Variants in SWAP70 observed in about 807,000 individuals in gnomAD.
SWAP70 encodes switch-associated protein 70.
In SWAP70, 34 loss-of-function variants were observed where a neutral mutation model predicts 80.2. The observed-to-expected ratio is 0.42, with a 90% CI of 0.32 to 0.56. The LOEUF is 0.56. SWAP70 is among the 20% of genes least tolerant of loss of function. SWAP70 has a pLI of 0.09. For synonymous variants in SWAP70, 239 were observed against 238.5 expected, an observed-to-expected ratio of 1.00 and a Z score of -0.02; for missense variants, 578 against 690.7, an observed-to-expected ratio of 0.84 and a Z score of 1.83.
intron 1 of SWAP70, among the ~76,000 whole-genome samples, chr11:9,689,883 GGGGCTGGGGTA>G (rs1164229587): frequency 6.6e-6 from 1 of 152,158 alleles, no homozygotes; most frequent in Non-Finnish European, 1.5e-5. Context: ...CTGATGGGGT[GGGGCTGGGGTA>G]GCACCAGCAC....
chr11:9,720,240 A>T (rs1192536952), intron 3 of SWAP70: 4 of 985,286 alleles, frequency 4.1e-6, no homozygotes, highest in Non-Finnish European at 4.8e-6. Flanking sequence ...GTCAGCAGGA[A>T]ATGAATCTAG....
intron 3 of SWAP70, among the ~76,000 whole-genome samples, chr11:9,723,771 C>CTTT (rs34551025): frequency 1.6e-5 from 2 of 124,612 alleles, no homozygotes; most frequent in Admixed American, 8.2e-5. Flanking sequence ...TCCTTCTTTA[C>CTTT]TTTTTTTTTT....
chr11:9,702,944 T>A (rs1336312169), intron 2 of SWAP70, among the ~76,000 whole-genome samples: 1 of 152,198 alleles, frequency 6.6e-6, no homozygotes, highest in Non-Finnish European at 1.5e-5. Flanking sequence ...AGATATAAAT[T>A]ACATACCATA....
rs1162456072 is a variant in SWAP70 at position 9,750,686 on chromosome 11, G to T, written c.*716G>T. On this transcript the variant is annotated 3_prime_UTR_variant, in exon 12 of 12. Transcript: ENST00000318950. ...GGACTGGATGTCAGCTCTTTCCTTT[G>T]GCAGCGTGTTTCCTTTTCCGAGTAT... 1 of 152,286 alleles carries T rather than the reference G, an allele frequency of 6.6e-6. No individual in the cohort carries two copies. The highest frequency in any genetic ancestry group is 2.4e-5 in the African/African-American group (1 of 41,448). 9.4% of individuals were successfully genotyped at this position (152,286 alleles called of 1,614,324 possible).
At chr11:9,685,582 C>A (rs1029951069) in intron 1 of SWAP70, among the ~76,000 whole-genome samples, 2 of 148,960 alleles carry the variant, frequency 1.3e-5, no homozygotes, top group African/African-American at 4.9e-5. Context: ...GTCATTGATC[C>A]CATTTGCGAG....
chr11:9,748,004 A>G lies in SWAP70; in HGVS notation c.1502A>G (p.Glu501Gly). The change falls in exon 10 of 12, where the codon GAG (glutamate) becomes GGG (glycine). Residue 501 changes from glutamate to glycine, a missense_variant. Glu to Gly is a moderately conservative substitution (Grantham distance 98). Transcript: ENST00000318950. ...LKEQALQEAM[E>G]QLEQLELERK... ...GAACAGGCCCTGCAGGAGGCCATGG[A>G]GCAGCTGGAGCAGCTTGAGTTAGAA... 3 of 1,614,146 alleles carry G rather than the reference A, an allele frequency of 1.9e-6. No individual in the cohort carries two copies. Among genetic ancestry groups the G allele is most frequent in the Non-Finnish European group, 2.5e-6 (3 of 1,179,964 alleles).
At chr11:9,696,205 A>G (rs1014631749) in intron 2 of SWAP70, among the ~76,000 whole-genome samples, 1 of 152,182 alleles carries the variant, frequency 6.6e-6, no homozygotes, top group Non-Finnish European at 1.5e-5. Flanking sequence ...GAAGTCAAAT[A>G]TCACCTATTA....
At chr11:9,676,585 A>T (rs895352959) in intron 1 of SWAP70, among the ~76,000 whole-genome samples, 5 of 152,172 alleles carry the variant, frequency 3.3e-5, no homozygotes, top group African/African-American at 1.2e-4. Flanking sequence ...AATAGTTGTT[A>T]AGTTACATTG....
At chr11:9,667,241 T>TGC (rs1850318849) in intron 1 of SWAP70, among the ~76,000 whole-genome samples, 1 of 151,330 alleles carries the variant, frequency 6.6e-6, no homozygotes, top group Non-Finnish European at 1.5e-5. Flanking sequence ...TCTGTGTGTG[T>TGC]GTGTGTGTGA....
chr11:9,725,260 G>T (rs1851193896), intron 4 of SWAP70, among the ~76,000 whole-genome samples: 1 of 151,668 alleles, frequency 6.6e-6, no homozygotes, highest in African/African-American at 2.4e-5. Flanking sequence ...TTACAGGTGT[G>T]ACCCACTGGG....
chr11:9,684,847 A>G (rs1187773427), intron 1 of SWAP70, among the ~76,000 whole-genome samples: 1 of 152,216 alleles, frequency 6.6e-6, no homozygotes, highest in African/African-American at 2.4e-5. Flanking sequence ...TTTAGCAAAC[A>G]TTTGTTGAAC....
At chr11:9,708,471 G>T (rs928398431) in intron 2 of SWAP70, among the ~76,000 whole-genome samples, 2 of 152,034 alleles carry the variant, frequency 1.3e-5, no homozygotes, top group Non-Finnish European at 2.9e-5. Context: ...TAATTCCTTT[G>T]CCCATTTTAA....
chr11:9,694,246 A>T lies in SWAP70; in HGVS notation c.200A>T (p.Gln67Leu). ...GATGATGAGGGTCCAGTGTCCAACC[A>T]GGGCTACATGCCTTATTTAAACAGG... ...RDDDEGPVSN[Q>L]GYMPYLNRFI... Residue 67 changes from glutamine (Q) to leucine (L), a missense_variant, in exon 2 of 12, where the codon CAG (glutamine) becomes CTG (leucine). Transcript: ENST00000318950. 1 of 1,613,132 alleles carries T rather than the reference A, an allele frequency of 6.2e-7. No individual in the cohort carries two copies. The highest frequency in any genetic ancestry group is 1.1e-5 in the South Asian group (1 of 90,896).
chr11:9,714,900 C>T (rs1346310614), intron 3 of SWAP70, among the ~76,000 whole-genome samples: 1 of 150,628 alleles, frequency 6.6e-6, no homozygotes, highest in Non-Finnish European at 1.5e-5. Context: ...GCAGCCTCCA[C>T]CTCCCAGGTT....
rs78653348 is a variant in SWAP70 at position 9,712,350 on chromosome 11, T to A, written c.241-1116T>A. Among the ~76,000 whole-genome samples the A allele has an allele frequency of 6.9e-3, 1,047 of 152,198 alleles. 8 individuals are homozygous for A. The highest frequency in any genetic ancestry group is 0.024 in the African/African-American group (991 of 41,452). On this transcript the variant is annotated intron_variant, in intron 2 of 11. Transcript: ENST00000318950. Reference sequence around the variant, plus strand: ...AGTTATATTAAAATTTATTTGCATATCTGTTTTCCCTAATAAACTGTGAAC... The same window carrying A: ...AGTTATATTAAAATTTATTTGCATAACTGTTTTCCCTAATAAACTGTGAAC...
chr11:9,676,710 C>T (rs1176705563), intron 1 of SWAP70, among the ~76,000 whole-genome samples: 4 of 143,774 alleles, frequency 2.8e-5, no homozygotes, highest in Non-Finnish European at 3.0e-5. Flanking sequence ...AGTGCAGTGG[C>T]GCAATCTCGG....
In SWAP70 at chr11:9,713,562, G is replaced by T. The variant is rs1851027061; in HGVS notation, c.337G>T (p.Glu113Ter). The T allele has an allele frequency of 6.2e-7, 1 of 1,614,004 alleles. No individual in the cohort carries two copies. Among genetic ancestry groups the T allele is most frequent in the Non-Finnish European group, 8.5e-7 (1 of 1,179,948 alleles). The change falls in exon 3 of 12, where the codon GAA becomes TAA. Residue 113 changes from glutamate (E) to a stop codon, truncating the protein, a stop_gained. Transcript: ENST00000318950. LOFTEE classifies it high-confidence loss of function. ...LTKNPLLITE[E>*]DAFKIWVIFN... is the part of the protein sequence containing the mutation. ...AAAGAATCCCCTGCTCATTACAGAA[G>T]AAGATGCATTTAAAATATGGGTTAT...
intron 1 of SWAP70, 38 bp downstream of exon 1, chr11:9,664,316 C>T (rs1590001559): frequency 2.6e-6 from 4 of 1,539,882 alleles, no homozygotes; most frequent in Non-Finnish European, 3.5e-6. Context: ...CCCGACCCTC[C>T]CCGGCGCGCT....
intron 7 of SWAP70, among the ~76,000 whole-genome samples, chr11:9,737,691 A>G (rs12807967): frequency 0.23 from 34,542 of 152,166 alleles, 5,044 homozygotes; most frequent in Non-Finnish European, 0.32. Context: ...AGGTCAAGAG[A>G]TCGACACTAT....
Sources: gnomAD v4.1 joint callset for allele counts (sites outside exome capture counted in the v4.1 genomes callset) on GRCh38, gnomAD v4.1.1 for gene constraint, MANE v1.5 for transcripts, NCBI Gene and HGNC (gene_info 2026-07-23, HGNC 2026-07-21) for gene names.